Variants in EVI5 observed in about 807,000 individuals in gnomAD.
EVI5 encodes the protein ecotropic viral integration site 5, also known as ecotropic viral integration site 5 protein homolog.
In EVI5, 73 loss-of-function variants were observed where a neutral mutation model predicts 112.0. That is an observed-to-expected ratio of 0.65 (90% confidence interval 0.54 to 0.79). The LOEUF (loss-of-function observed/expected upper bound fraction) is 0.79. EVI5 is among the 30% of genes least tolerant of loss of function. The pLI is 0.00. For missense variants in EVI5, 900 were observed against 968.8 expected (o/e 0.93, Z 0.94); for synonymous variants, 305 against 319.9 (o/e 0.95, Z 0.50).
chr1:92,698,004 A>C lies in EVI5; in HGVS notation c.640-19T>G, dbSNP rs779353907. ...CTGGCATCTACATTGGAAGAAAAAA[A>C]AACAACATAGGTTAATGTTCTCTGA... On this transcript the variant is annotated intron_variant, in intron 5 of 19. Coordinates refer to ENST00000684568, the MANE Select transcript of EVI5 (RefSeq NM_001350197.2). 12 of 1,601,850 alleles carry C rather than the reference A, an allele frequency of 7.5e-6. No individual in the cohort carries two copies. The South Asian group carries it at 1.3e-4, about 18-fold the overall frequency.
At chr1:92,618,784 G>A (rs1387709819) in intron 16 of EVI5, among the ~76,000 whole-genome samples, 3 of 152,192 alleles carry the variant, frequency 2.0e-5, no homozygotes, top group Non-Finnish European at 4.4e-5. Flanking sequence ...GACTGTAATT[G>A]TCATGAGTAT....
chr1:92,601,802 A>G (rs1000597086), intron 18 of EVI5, among the ~76,000 whole-genome samples: 2 of 152,240 alleles, frequency 1.3e-5, no homozygotes, highest in Non-Finnish European at 2.9e-5. Context: ...TTAAACAAAA[A>G]TCCTGCATAC....
chr1:92,723,900 C>A (rs1389074779), intron 2 of EVI5, among the ~76,000 whole-genome samples: 1 of 152,110 alleles, frequency 6.6e-6, no homozygotes. Flanking sequence ...GTCTGTCTTA[C>A]GCGGTTGAGA....
At position 92,736,614 on chromosome 1, in the gene EVI5, T is replaced by C; in HGVS notation, c.-68A>G. On this transcript the variant is annotated 5_prime_UTR_variant, in exon 2 of 20. Coordinates refer to ENST00000684568, the MANE Select transcript of EVI5 (RefSeq NM_001350197.2). Reference sequence around the variant, plus strand: ...AGTAGAGCTCAGCTTTTCTGCAACTTTGTCTGTCGCCACCTAAGGACAAAA... The same window carrying C: ...AGTAGAGCTCAGCTTTTCTGCAACTCTGTCTGTCGCCACCTAAGGACAAAA... 1.2e-6 allele frequency: 2 copies of C among 1,613,502 alleles called. No homozygotes were observed. The highest frequency in any genetic ancestry group is 8.5e-7 in the Non-Finnish European group (1 of 1,179,452).
chr1:92,641,780 T>C (rs1308241011), intron 13 of EVI5, among the ~76,000 whole-genome samples: 4 of 152,148 alleles, frequency 2.6e-5, no homozygotes, highest in Non-Finnish European at 5.9e-5. Flanking sequence ...GTAAACAGGA[T>C]TTAAAAAAAC....
At chr1:92,771,108 G>T (rs141223417) in intron 1 of EVI5, among the ~76,000 whole-genome samples, 1 of 151,924 alleles carries the variant, frequency 6.6e-6, no homozygotes, top group African/African-American at 2.4e-5. Flanking sequence ...GAGCCACAGC[G>T]CCTGGCGAGA....
At chr1:92,520,852 T>TAAAAAAAAAAA (rs548763369) in intron 19 of EVI5, among the ~76,000 whole-genome samples, 1 of 121,664 alleles carries the variant, frequency 8.2e-6, no homozygotes, top group African/African-American at 3.1e-5. Flanking sequence ...CAACCCTGTC[T>TAAAAAAAAAAA]AAAAAAAAAA....
intron 1 of EVI5, among the ~76,000 whole-genome samples, chr1:92,758,657 CA>C (rs1681340903): frequency 1.3e-5 from 2 of 151,118 alleles, no homozygotes. Context: ...AAAAAGAACT[CA>C]AATTACACAT....
At chr1:92,723,997 C>A (rs1570598675) in intron 2 of EVI5, among the ~76,000 whole-genome samples, 1 of 152,184 alleles carries the variant, frequency 6.6e-6, no homozygotes, top group Non-Finnish European at 1.5e-5. Flanking sequence ...TCTAGTCAGA[C>A]TGGTTGTCTG....
At chr1:92,540,855 C>T (rs1664677226) in intron 19 of EVI5, among the ~76,000 whole-genome samples, 1 of 152,112 alleles carries the variant, frequency 6.6e-6, no homozygotes, top group East Asian at 1.9e-4. Flanking sequence ...GGGAGGATCA[C>T]CTGAGGTCAG....
chr1:92,747,408 G>C (rs1679432270), intron 1 of EVI5, among the ~76,000 whole-genome samples: 1 of 151,996 alleles, frequency 6.6e-6, no homozygotes, highest in South Asian at 2.1e-4. Context: ...ACCACAAACT[G>C]GGTGGCTTAA....
intron 19 of EVI5, among the ~76,000 whole-genome samples, chr1:92,553,528 C>T (rs1211220866): frequency 6.6e-6 from 1 of 151,826 alleles, no homozygotes; most frequent in Admixed American, 6.6e-5. Context: ...TTCTCGAACT[C>T]CTGATCTTGT....
At chr1:92,744,990 G>A (rs764302559) in intron 1 of EVI5, among the ~76,000 whole-genome samples, 1 of 152,024 alleles carries the variant, frequency 6.6e-6, no homozygotes. Flanking sequence ...GAGTGCAGTG[G>A]TGCAATCATG....
At chr1:92,751,711 A>G (rs79207329) in intron 1 of EVI5, among the ~76,000 whole-genome samples, 2,895 of 150,112 alleles carry the variant, frequency 0.019, 109 homozygotes, top group African/African-American at 0.069. Flanking sequence ...ATAAACTCTT[A>G]GATTACAAAT....
intron 14 of EVI5, among the ~76,000 whole-genome samples, chr1:92,632,546 C>T (rs553753415): frequency 7.9e-5 from 12 of 151,822 alleles, no homozygotes; most frequent in East Asian, 3.9e-4. Flanking sequence ...TTTTTTATTG[C>T]GTCTATTTGA....
At chr1:92,738,160 ATAAT>A (rs1677756228) in intron 1 of EVI5, among the ~76,000 whole-genome samples, 1 of 152,178 alleles carries the variant, frequency 6.6e-6, no homozygotes, top group South Asian at 2.1e-4. Context: ...GAACCAAATA[ATAAT>A]TTAGCCAAAA....
At chr1:92,518,353 A>G (rs1343123760) in intron 19 of EVI5, among the ~76,000 whole-genome samples, 1 of 152,200 alleles carries the variant, frequency 6.6e-6, no homozygotes, top group Non-Finnish European at 1.5e-5. Flanking sequence ...CGGGTTTTTT[A>G]AAGTCACTGA....
intron 1 of EVI5, among the ~76,000 whole-genome samples, chr1:92,748,372 G>C (rs1156820283): frequency 1.3e-5 from 2 of 152,132 alleles, no homozygotes; most frequent in African/African-American, 4.8e-5. Flanking sequence ...ACTGATTCTA[G>C]GCCCTAAGTG....
At chr1:92,591,086 C>A (rs558414011) in intron 18 of EVI5, among the ~76,000 whole-genome samples, 2 of 152,298 alleles carry the variant, frequency 1.3e-5, no homozygotes, top group African/African-American at 4.8e-5. Flanking sequence ...CACCACCAGG[C>A]CTGCCCTAAA....
Sources: allele counts gnomAD v4.1 joint callset (sites outside exome capture counted in the v4.1 genomes callset), GRCh38; gene constraint gnomAD v4.1.1; transcripts MANE v1.5; gene names NCBI Gene and HGNC (gene_info 2026-07-23, HGNC 2026-07-21).